PPIP5K1: variants seen among roughly 807,000 people sequenced by gnomAD.
The protein encoded by PPIP5K1 is inositol hexakisphosphate and diphosphoinositol-pentakisphosphate kinase 1.
PPIP5K1 carries 6 observed loss-of-function variants against 27.7 expected under a neutral mutation model. The ratio of observed to expected loss-of-function variants is 0.22; its 90% CI spans 0.12 to 0.43. The LOEUF is 0.43. Among genes scored for constraint, PPIP5K1 ranks in the 20% least tolerant of loss-of-function variants. The pLI is 1.00. For synonymous variants in PPIP5K1, 145 were observed against 242.6 expected, an observed-to-expected ratio of 0.60 and a Z score of 3.74; for missense variants, 394 against 635.4, an observed-to-expected ratio of 0.62 and a Z score of 4.08.
chr15:43,536,615 T>TA (rs2079899583), intron 31 of PPIP5K1, among the ~76,000 whole-genome samples: 1 of 152,266 alleles, frequency 6.6e-6, no homozygotes, highest in East Asian at 1.9e-4. Context: ...GACCCTACCC[T>TA]GAAACCACAT....
At chr15:43,553,648 T>G (rs112289725) in intron 30 of PPIP5K1, among the ~76,000 whole-genome samples, 28 of 110,398 alleles carry the variant, frequency 2.5e-4, no homozygotes, top group Non-Finnish European at 3.1e-4. Flanking sequence ...TTCTGTGTGT[T>G]TTTTTTTTTT....
At position 43,535,223 on chromosome 15, in the gene PPIP5K1, G is replaced by A. The variant is rs374951074; in HGVS notation, c.3924C>T (p.Tyr1308=). Residue 1308 remains tyrosine (Y), a synonymous_variant, in exon 32 of 32, where the codon TAC becomes TAT. Transcript: ENST00000420765. ...CCTGACATGGCTGGCTGACCTCCTC[G>A]TATGGCTGGCTGGTTTCCATAGGTG... ...QVPPMETSQP[Y]EEVSQPCQEV... The A allele has an allele frequency of 1.1e-4, 173 of 1,614,012 alleles. No individual in the cohort carries two copies. Among genetic ancestry groups the A allele is most frequent in the Middle Eastern group, 3.3e-4 (2 of 6,084 alleles).
rs760942089 is a variant in PPIP5K1, at chr15:43,539,490, C to A, written c.3650G>T (p.Arg1217Leu). ...LHSPPLQLQQRSEKPPWYSSG... is the reference protein window; with the variant it reads ...LHSPPLQLQQLSEKPPWYSSG... The stretch of plus-strand genomic sequence containing the variant: ...CTTACACCAAGGGGGCTTCTCAGAG[C>A]GCTGCTGGAGTTGCAGGGGAGGTGA... Residue 1217 changes from arginine (R) to leucine (L), a missense_variant, in exon 31 of 32, where the codon CGC (arginine) becomes CTC (leucine). Around this residue, in one of 4 missense-constraint regions of PPIP5K1, gnomAD observed 379 missense variants for 423.9 expected, o/e 0.89. Transcript: ENST00000420765. 3 of 1,600,222 alleles carry A rather than the reference C, an allele frequency of 1.9e-6. No individual in the cohort carries two copies. Among genetic ancestry groups the A allele is most frequent in the African/African-American group, 1.3e-5 (1 of 74,576 alleles).
In PPIP5K1 at chr15:43,535,169, C is replaced by A; in HGVS notation, c.3978G>T (p.Gln1326His). Residue 1326 changes from glutamine to histidine, a missense_variant, in exon 32 of 32, where the codon CAG (glutamine) becomes CAT (histidine). Around this residue, in one of 4 missense-constraint regions of PPIP5K1, gnomAD observed 379 missense variants for 423.9 expected, o/e 0.89. Coordinates refer to ENST00000420765, the MANE Select transcript of PPIP5K1 (RefSeq NM_001394395.1). The part of the protein sequence containing the change: ...QEVPDISQPC[Q>H]DISEALSQPC... ...GCTGGCTGAGCGCCTCAGAAATGTC[C>A]TGGCATGGCTGGCTGATGTCAGGGA... 1 of 1,613,554 alleles carries A rather than the reference C, an allele frequency of 6.2e-7. No individual in the cohort carries two copies. The highest frequency in any genetic ancestry group is 8.5e-7 in the Non-Finnish European group (1 of 1,179,866).
intron 1 of PPIP5K1, among the ~76,000 whole-genome samples, chr15:43,586,710 AT>A (rs901859430): frequency 2.1e-5 from 2 of 94,642 alleles, no homozygotes; most frequent in African/African-American, 3.5e-5. Flanking sequence ...AATGATGATA[AT>A]AATAATAATA....
chr15:43,552,700 C>CA (rs34531688), intron 30 of PPIP5K1, among the ~76,000 whole-genome samples: 141 of 137,918 alleles, frequency 1.0e-3, no homozygotes, highest in Admixed American at 5.7e-3. Flanking sequence ...GACCCTGTCT[C>CA]AAAAAAAACA....
At chr15:43,558,138 A>G (rs551345774) in intron 30 of PPIP5K1, among the ~76,000 whole-genome samples, 1 of 147,102 alleles carries the variant, frequency 6.8e-6, no homozygotes, top group East Asian at 2.0e-4. Flanking sequence ...CTTGGCTCAT[A>G]GCAATCTCCG....
chr15:43,539,424 C>T, intron 31 of PPIP5K1, 46 bp downstream of exon 31: 1 of 1,351,586 alleles, frequency 7.4e-7, no homozygotes, highest in Non-Finnish European at 1.0e-6. Context: ...CCAATCACTC[C>T]AGTCTTCATG....
At chr15:43,557,588 T>G (rs2083151774) in intron 30 of PPIP5K1, among the ~76,000 whole-genome samples, 1 of 152,120 alleles carries the variant, frequency 6.6e-6, no homozygotes, top group Non-Finnish European at 1.5e-5. Context: ...ATAGAATGAT[T>G]TAAAATGTGG....
At chr15:43,548,756 G>C (rs2081719865) in intron 30 of PPIP5K1, 1 of 149,774 alleles carries the variant, frequency 6.7e-6, no homozygotes, top group Non-Finnish European at 1.5e-5. Flanking sequence ...CCCGGGTGCA[G>C]TGGCTCACGC....
In PPIP5K1 at chr15:43,534,505, T is replaced by C; in HGVS notation, c.*169A>G. 4 of 628,352 alleles carry C rather than the reference T, an allele frequency of 6.4e-6. No individual in the cohort carries two copies. Among genetic ancestry groups the C allele is most frequent in the Non-Finnish European group, 1.1e-5 (4 of 376,536 alleles). The allele number at this position is 628,352 out of a possible 1,614,324, so 38.9% of individuals were successfully genotyped here. A position where few individuals can be genotyped will look rare whatever the true frequency, so the allele number is the denominator to read the frequency against. The stretch of plus-strand genomic sequence containing the variant: ...TTGCTGGCTCAAATGGCTGGTATAG[T>C]GTGATACCACTAATGAGAAAATTAA... On this transcript the variant is annotated 3_prime_UTR_variant, in exon 32 of 32. Coordinates refer to ENST00000420765, the MANE Select transcript of PPIP5K1 (RefSeq NM_001394395.1).
chr15:43,543,758 C>T (rs2081051957), intron 30 of PPIP5K1, among the ~76,000 whole-genome samples: 1 of 151,194 alleles, frequency 6.6e-6, no homozygotes, highest in Non-Finnish European at 1.5e-5. Flanking sequence ...TTCCTAATAA[C>T]AGGAACATAA....
In PPIP5K1 at chr15:43,539,101, C is replaced by T. The variant is rs138556441; in HGVS notation, c.3670+369G>A. On this transcript the variant is annotated intron_variant, in intron 31 of 31. Coordinates refer to ENST00000420765, the MANE Select transcript of PPIP5K1 (RefSeq NM_001394395.1). ...TGGTGCATGCCTGTAATCCCAGCTA[C>T]TTGGGAGGCTGAGGCAGGAGAATCG... 1.2e-3 allele frequency among the ~76,000 whole-genome samples: 189 copies of T among 151,874 alleles called. 1 individual carries two copies. The highest frequency in any genetic ancestry group is 4.1e-3 in the African/African-American group (168 of 41,396).
intron 31 of PPIP5K1, among the ~76,000 whole-genome samples, chr15:43,538,137 C>A (rs896368324): frequency 2.6e-5 from 4 of 152,038 alleles, no homozygotes; most frequent in Non-Finnish European, 5.9e-5. Context: ...AAACAGGATG[C>A]CAGAAAAAGG....
chr15:43,550,707 A>G (rs1469454326), intron 30 of PPIP5K1, among the ~76,000 whole-genome samples: 1 of 152,156 alleles, frequency 6.6e-6, no homozygotes, highest in Non-Finnish European at 1.5e-5. Context: ...GAAAGCCTTC[A>G]GTGTTACACT....
chr15:43,541,742 AAGAG>A (rs1555422536), intron 30 of PPIP5K1, among the ~76,000 whole-genome samples: 5 of 151,776 alleles, frequency 3.3e-5, no homozygotes, highest in Admixed American at 6.6e-5. Context: ...AAAAAAAAAA[AAGAG>A]AGAAAAGAGA....
intron 30 of PPIP5K1, among the ~76,000 whole-genome samples, chr15:43,542,597 G>A (rs771697998): frequency 1.3e-5 from 2 of 150,624 alleles, no homozygotes; most frequent in Non-Finnish European, 3.0e-5. Flanking sequence ...CTAGCACCCA[G>A]CTCTTGTTTT....
At chr15:43,560,023 T>C (rs2083579069) in intron 29 of PPIP5K1, among the ~76,000 whole-genome samples, 1 of 151,752 alleles carries the variant, frequency 6.6e-6, no homozygotes, top group Non-Finnish European at 1.5e-5. Context: ...ATTTCTCCCA[T>C]GATCTAGTGG....
At chr15:43,540,856 T>A (rs1264039085) in intron 30 of PPIP5K1, among the ~76,000 whole-genome samples, 2 of 111,714 alleles carry the variant, frequency 1.8e-5, no homozygotes, top group African/African-American at 1.1e-4. Context: ...AGAGAGACTC[T>A]GTCTCAAAAA....
Sources: allele counts gnomAD v4.1 joint callset (sites outside exome capture counted in the v4.1 genomes callset), GRCh38; gene constraint gnomAD v4.1.1; regional missense constraint gnomAD v4.1.1; transcripts MANE v1.5; gene names NCBI Gene and HGNC (gene_info 2026-07-23, HGNC 2026-07-21).